Variants in CCDC102B observed in about 807,000 individuals in gnomAD.
The protein encoded by CCDC102B is coiled-coil domain-containing protein 102B.
In CCDC102B, 75 loss-of-function variants were observed where a neutral mutation model predicts 57.4. That is an observed-to-expected ratio of 1.31 (90% CI 1.08 to 1.58). The LOEUF (loss-of-function observed/expected upper bound fraction) is 1.58. Ranked by LOEUF, CCDC102B falls within the 40% of genes most tolerant of loss-of-function variation. The probability of loss-of-function intolerance (pLI) is 0.00; values close to 1 mark genes in which losing one functional copy is unlikely to be tolerated. For missense variants in CCDC102B, 636 were observed against 582.6 expected, an observed-to-expected ratio of 1.09 and a Z score of -0.94; for synonymous variants, 206 against 201.9, an observed-to-expected ratio of 1.02 and a Z score of -0.17.
chr18:68,897,334 T>A lies in CCDC102B; in HGVS notation c.1169T>A (p.Met390Lys). 1 of 1,613,054 alleles carries A rather than the reference T, an allele frequency of 6.2e-7. No individual in the cohort carries two copies. The highest frequency in any genetic ancestry group is 8.5e-7 in the Non-Finnish European group (1 of 1,179,288). ...NRRLKIQVKE[M>K]EELLDKKNRL... ...AGGCTGAAGATCCAGGTGAAAGAAA[T>A]GGAAGAGCTTTTGGATAAGAAAAAT... is the stretch of plus-strand genomic sequence containing the variant. Residue 390 changes from methionine to lysine, a missense_variant, in exon 6 of 8, where the codon ATG (methionine) becomes AAG (lysine). By Grantham distance (95) the Met-to-Lys change is moderately conservative (BLOSUM62 -1). Transcript: ENST00000360242.
chr18:68,741,372 C>T (rs574241946), intron 2 of CCDC102B, among the ~76,000 whole-genome samples: 2 of 152,184 alleles, frequency 1.3e-5, no homozygotes, highest in East Asian at 1.9e-4. Flanking sequence ...CATGATTGAG[C>T]GACGGATTAC....
At chr18:68,948,544 C>G (rs1022250290) in intron 6 of CCDC102B, among the ~76,000 whole-genome samples, 2 of 152,060 alleles carry the variant, frequency 1.3e-5, no homozygotes, top group South Asian at 4.1e-4. Flanking sequence ...ACTTCATGAT[C>G]ACCAAATCAC....
chr18:68,791,124 G>T (rs1227785026), intron 2 of CCDC102B, among the ~76,000 whole-genome samples: 1 of 152,148 alleles, frequency 6.6e-6, no homozygotes, highest in Non-Finnish European at 1.5e-5. Context: ...ACATTATTCA[G>T]GACAATTATG....
chr18:68,995,458 G>T (rs1449456163), intron 6 of CCDC102B, among the ~76,000 whole-genome samples: 2 of 152,092 alleles, frequency 1.3e-5, no homozygotes. Context: ...TTGTTGCTTT[G>T]TGCAGTCTTG....
At chr18:68,765,321 G>GAA (rs1454707190) in intron 2 of CCDC102B, among the ~76,000 whole-genome samples, 1 of 45,052 alleles carries the variant, frequency 2.2e-5, no homozygotes, top group East Asian at 1.2e-3. Context: ...AGGAAGGAAG[G>GAA]AAGGAAAGAA....
chr18:68,740,729 T>C (rs2033344426), intron 2 of CCDC102B, among the ~76,000 whole-genome samples: 1 of 152,134 alleles, frequency 6.6e-6, no homozygotes, highest in South Asian at 2.1e-4. Flanking sequence ...GCCTCAAGCC[T>C]TTTCATCCCT....
intron 1 of CCDC102B, among the ~76,000 whole-genome samples, chr18:68,798,759 A>G (rs544561763): frequency 2.0e-5 from 3 of 152,254 alleles, no homozygotes; most frequent in African/African-American, 4.8e-5. Flanking sequence ...GATACAGAAT[A>G]AAATAATAAA....
At chr18:68,863,447 T>C (rs911524256) in intron 4 of CCDC102B, among the ~76,000 whole-genome samples, 5 of 151,996 alleles carry the variant, frequency 3.3e-5, no homozygotes, top group Non-Finnish European at 7.4e-5. Flanking sequence ...TGTGTCTCAC[T>C]GTGGTATTAG....
intron 6 of CCDC102B, among the ~76,000 whole-genome samples, chr18:68,942,129 A>C (rs907808865): frequency 3.9e-5 from 6 of 152,114 alleles, no homozygotes; most frequent in African/African-American, 1.4e-4. Context: ...GTCAGAAATT[A>C]ATTTCAATTT....
chr18:68,957,924 AT>A (rs1297785611), intron 6 of CCDC102B, among the ~76,000 whole-genome samples: 1 of 151,996 alleles, frequency 6.6e-6, no homozygotes, highest in African/African-American at 2.4e-5. Context: ...ATTGGCATGT[AT>A]TTGTCCGTTT....
intron 6 of CCDC102B, among the ~76,000 whole-genome samples, chr18:68,943,206 T>C (rs1331004428): frequency 6.6e-6 from 1 of 152,046 alleles, no homozygotes; most frequent in African/African-American, 2.4e-5. Flanking sequence ...ATAGACACAG[T>C]AACAGTCTGA....
chr18:68,874,089 G>A (rs1357344358), intron 4 of CCDC102B, among the ~76,000 whole-genome samples: 2 of 150,300 alleles, frequency 1.3e-5, no homozygotes, highest in Non-Finnish European at 3.0e-5. Flanking sequence ...GTTTTTTTCT[G>A]CAGTCATTTT....
chr18:69,016,402 A>G (rs575236275), intron 7 of CCDC102B, among the ~76,000 whole-genome samples: 1 of 152,318 alleles, frequency 6.6e-6, no homozygotes, highest in East Asian at 1.9e-4. Context: ...TTGACTCTCT[A>G]CGCTACAGAA....
intron 6 of CCDC102B, among the ~76,000 whole-genome samples, chr18:68,919,931 T>G (rs2041215363): frequency 6.6e-6 from 1 of 152,158 alleles, no homozygotes; most frequent in African/African-American, 2.4e-5. Flanking sequence ...TATCAAGACC[T>G]GCAATGATGC....
intron 6 of CCDC102B, among the ~76,000 whole-genome samples, chr18:68,959,100 G>T (rs1471885039): frequency 6.6e-6 from 1 of 152,090 alleles, no homozygotes; most frequent in East Asian, 1.9e-4. Flanking sequence ...GTTATTTATT[G>T]TAGTTTTCGC....
chr18:68,973,984 T>C (rs1335290959), intron 6 of CCDC102B, among the ~76,000 whole-genome samples: 2 of 152,118 alleles, frequency 1.3e-5, no homozygotes, highest in Non-Finnish European at 2.9e-5. Flanking sequence ...TGAGCCACTC[T>C]CTATATAAGT....
intron 7 of CCDC102B, among the ~76,000 whole-genome samples, chr18:69,041,086 C>T (rs2052422216): frequency 6.6e-6 from 1 of 152,060 alleles, no homozygotes; most frequent in Non-Finnish European, 1.5e-5. Flanking sequence ...ATAAATATGG[C>T]ATTGGCTATT....
chr18:69,054,571 G>C lies in CCDC102B; in HGVS notation c.*434G>C, dbSNP rs986382930. 1.0e-6 allele frequency: 1 copy of C among 987,354 alleles called. No individual in the cohort carries two copies. The highest frequency in any genetic ancestry group is 1.7e-5 in the African/African-American group (1 of 57,232). 61.2% of individuals were successfully genotyped at this position (987,354 alleles called of 1,614,324 possible). A position where few individuals can be genotyped will look rare whatever the true frequency, so the allele number is the denominator to read the frequency against. On this transcript the variant is annotated 3_prime_UTR_variant, in exon 8 of 8. Coordinates refer to ENST00000360242, the MANE Select transcript of CCDC102B (RefSeq NM_024781.3). ...CTTTTATGTACGTGTTGTCTATGTG[G>C]TGGGGATGGCAGGTTGTATTAACAA...
intron 7 of CCDC102B, among the ~76,000 whole-genome samples, chr18:69,046,544 G>T (rs2052571743): frequency 6.6e-6 from 1 of 152,068 alleles, no homozygotes; most frequent in Non-Finnish European, 1.5e-5. Context: ...TCTGTAGGTT[G>T]TCTGTTTACC....
Sources: allele counts gnomAD v4.1 joint callset (sites outside exome capture counted in the v4.1 genomes callset), GRCh38; gene constraint gnomAD v4.1.1; transcripts MANE v1.5; gene names NCBI Gene and HGNC (gene_info 2026-07-23, HGNC 2026-07-21).